SPTBN1: variants seen among roughly 807,000 people sequenced by gnomAD.
SPTBN1 encodes the protein spectrin beta chain, non-erythrocytic 1.
Under a neutral mutation model 266.4 loss-of-function variants are expected in SPTBN1, and 32 were observed. The observed-to-expected ratio is 0.12, with a 90% CI of 0.09 to 0.16. The LOEUF is 0.16. Ranked by LOEUF, SPTBN1 falls within the 10% of genes least tolerant of loss-of-function variation. The pLI is 1.00. For missense variants in SPTBN1, 2,296 were observed against 3,067.1 expected (o/e 0.75, Z 5.94); for synonymous variants, 1,336 against 1,162.2 (o/e 1.15, Z -3.04).
At chr2:54,583,272 C>A (rs556009330) in intron 2 of SPTBN1, among the ~76,000 whole-genome samples, 1 of 152,236 alleles carries the variant, frequency 6.6e-6, no homozygotes, top group South Asian at 2.1e-4. Flanking sequence ...GGTATAATTA[C>A]CTGTTAATAA....
At chr2:54,611,220 C>G (rs1573525568) in intron 3 of SPTBN1, among the ~76,000 whole-genome samples, 1 of 152,190 alleles carries the variant, frequency 6.6e-6, no homozygotes, top group South Asian at 2.1e-4. Context: ...TCTGGTATTT[C>G]TAGGCTAGGC....
rs768990287 is a variant in SPTBN1 at position 54,483,722 on chromosome 2, T to C, written c.-48+27204T>C. ...CATGGATCAAAGGCACTTGGGTGATTTAGGGGTGTGACCCCCAGTGGCTTC... is the reference window on the plus strand; with the variant it reads ...CATGGATCAAAGGCACTTGGGTGATCTAGGGGTGTGACCCCCAGTGGCTTC... On this transcript the variant is annotated intron_variant, in intron 1 of 35. Coordinates refer to ENST00000356805, the MANE Select transcript of SPTBN1 (RefSeq NM_003128.3). Among the ~76,000 whole-genome samples the C allele has an allele frequency of 1.1e-3, 160 of 152,304 alleles. No homozygotes were observed. In the Middle Eastern group the frequency reaches 0.02, roughly 19 times the overall value.
At chr2:54,532,161 C>T (rs1230400923) in intron 2 of SPTBN1, among the ~76,000 whole-genome samples, 5 of 151,966 alleles carry the variant, frequency 3.3e-5, no homozygotes, top group Admixed American at 2.0e-4. Flanking sequence ...TGGTGGCGGG[C>T]GCCTATAATC....
At chr2:54,522,701 A>AGAGAGAGAGAGAGAGAG (rs1558802720) in intron 1 of SPTBN1, among the ~76,000 whole-genome samples, 6 of 70,144 alleles carry the variant, frequency 8.6e-5, no homozygotes, top group South Asian at 8.5e-4. Flanking sequence ...GAGAGAGAGA[A>AGAGAGAGAGAGAGAGAG]AGAAAGAAAG....
intron 17 of SPTBN1, among the ~76,000 whole-genome samples, chr2:54,637,266 G>A (rs1679213571): frequency 6.6e-6 from 1 of 151,890 alleles, no homozygotes; most frequent in Admixed American, 6.6e-5. Flanking sequence ...TTCAAGATGA[G>A]AAACTCTTTA....
intron 34 of SPTBN1, 73 bp downstream of exon 34, chr2:54,666,161 A>G: frequency 6.9e-7 from 1 of 1,457,516 alleles, no homozygotes; most frequent in Non-Finnish European, 9.3e-7. Flanking sequence ...TGGTTTTCTT[A>G]TACAGCTGCT....
At chr2:54,552,032 AG>A (rs1189388871) in intron 2 of SPTBN1, among the ~76,000 whole-genome samples, 1 of 152,180 alleles carries the variant, frequency 6.6e-6, no homozygotes, top group Admixed American at 6.5e-5. Flanking sequence ...GTTAAAGAGA[AG>A]GGAAGGGAGG....
At chr2:54,630,829 C>G (rs545540075) in intron 15 of SPTBN1, 26 bp from the exon 16 acceptor site, 90 of 1,535,270 alleles carry the variant, frequency 5.9e-5, no homozygotes, top group Non-Finnish European at 6.7e-5. Context: ...CTTTTTCACA[C>G]TCGCTGTCTG....
intron 2 of SPTBN1, among the ~76,000 whole-genome samples, chr2:54,537,359 C>T (rs1002510372): frequency 2.0e-5 from 3 of 152,032 alleles, no homozygotes; most frequent in Non-Finnish European, 1.5e-5. Flanking sequence ...TTGATTGACC[C>T]GGAAGATCCT....
Position 54,643,075 on chromosome 2 carries a change from A to G in SPTBN1, c.3951A>G (p.Gln1317=), listed in dbSNP as rs534942468. ...TGCACAGTAAATGGTTGAAGCATCA[A>G]GCATTTATGGCAGAACTTGCATCCA... is the stretch of plus-strand genomic sequence containing the variant. ...RNLHSKWLKH[Q]AFMAELASNK... Residue 1317 remains glutamine (Q), a synonymous_variant, in exon 19 of 36, where the codon CAA becomes CAG. Coordinates refer to ENST00000356805, the MANE Select transcript of SPTBN1 (RefSeq NM_003128.3). 3.3e-5 allele frequency: 54 copies of G among 1,614,200 alleles called. 1 individual carries two copies. In the South Asian group the frequency reaches 5.7e-4, roughly 17 times the overall value.
rs1678542593 is a variant in SPTBN1 at position 54,628,926 on chromosome 2, T to TA, written c.1799-4dup. Reference sequence around the variant, plus strand: ...CACAGCCACGTTCCTTCCTTGATGTTAAACAGGTTACAAGCCCTGTGACCC... The same window carrying TA: ...CACAGCCACGTTCCTTCCTTGATGTTAAAACAGGTTACAAGCCCTGTGACCC... On this transcript the variant is annotated splice_region_variant and splice_polypyrimidine_tract_variant and intron_variant, in intron 13 of 35. Coordinates refer to ENST00000356805, the MANE Select transcript of SPTBN1 (RefSeq NM_003128.3). The surrounding 1 kb of genome is among the most constrained non-coding windows in gnomAD (Gnocchi z 4.3). The TA allele has an allele frequency of 6.3e-7, 1 of 1,577,470 alleles. No individual in the cohort carries two copies. The highest frequency in any genetic ancestry group is 1.4e-5 in the African/African-American group (1 of 73,678).
intron 2 of SPTBN1, among the ~76,000 whole-genome samples, chr2:54,557,284 G>A (rs1432057716): frequency 6.6e-6 from 1 of 152,048 alleles, no homozygotes; most frequent in Non-Finnish European, 1.5e-5. Context: ...TACATATTGG[G>A]ATCCCTGAGG....
intron 2 of SPTBN1, among the ~76,000 whole-genome samples, chr2:54,585,235 T>G (rs28581481): frequency 0.34 from 51,509 of 152,086 alleles, 11,139 homozygotes; most frequent in African/African-American, 0.62. Context: ...AAAGCTTTGG[T>G]TAGTGTTCCT....
chr2:54,569,768 G>C (rs1021551115), intron 2 of SPTBN1, among the ~76,000 whole-genome samples: 6 of 152,132 alleles, frequency 3.9e-5, no homozygotes, highest in Non-Finnish European at 8.8e-5. Context: ...ACTGTGTTTG[G>C]CACAGTCCCT....
intron 2 of SPTBN1, among the ~76,000 whole-genome samples, chr2:54,597,761 G>A (rs577176187): frequency 4.3e-4 from 65 of 151,954 alleles, no homozygotes; most frequent in African/African-American, 1.4e-3. Context: ...TGAGAACCCA[G>A]TACTCTCAGG....
intron 34 of SPTBN1, among the ~76,000 whole-genome samples, chr2:54,666,702 A>G (rs867304086): frequency 6.6e-6 from 1 of 152,150 alleles, no homozygotes; most frequent in Admixed American, 6.5e-5. Context: ...TAGGCAGAAA[A>G]ATTATTTTAT....
At chr2:54,596,226 A>T (rs77454808) in intron 2 of SPTBN1, among the ~76,000 whole-genome samples, 12,374 of 152,130 alleles carry the variant, frequency 0.081, 646 homozygotes, top group Non-Finnish European at 0.11. Context: ...CATATCCCCA[A>T]GCCTTGCTGG....
Position 54,629,063 on chromosome 2 carries a change from C to A in SPTBN1, c.1929C>A (p.Phe643Leu). 3.7e-6 allele frequency: 6 copies of A among 1,613,876 alleles called. No individual in the cohort carries two copies. The highest frequency in any genetic ancestry group is 5.1e-6 in the Non-Finnish European group (6 of 1,180,004). The change falls in exon 14 of 36, where the codon TTC (phenylalanine) becomes TTA (leucine). Residue 643 changes from phenylalanine (F) to leucine (L), a missense_variant. Around this residue, in one of 12 missense-constraint regions of SPTBN1, gnomAD observed 434 missense variants for 573.9 expected, o/e 0.76. Coordinates refer to ENST00000356805, the MANE Select transcript of SPTBN1 (RefSeq NM_003128.3). ...AAGAGTCCCGCCGCCTCTGGAAGTTCTTCTGGGAGATGGCAGAAGAGGAAG... is the reference window on the plus strand; with the variant it reads ...AAGAGTCCCGCCGCCTCTGGAAGTTATTCTGGGAGATGGCAGAAGAGGAAG... ...RLEESRRLWK[F>L]FWEMAEEEGW... is the part of the protein sequence containing the mutation.
Position 54,649,164 on chromosome 2 carries a change from C to A in SPTBN1, c.5176C>A (p.Leu1726Met), listed in dbSNP as rs1324711377. The A allele has an allele frequency of 6.2e-7, 1 of 1,610,292 alleles. No individual in the cohort carries two copies. The highest frequency in any genetic ancestry group is 8.5e-7 in the Non-Finnish European group (1 of 1,177,668). The change falls in exon 25 of 36, where the codon CTG becomes ATG. Residue 1726 changes from leucine to methionine, a missense_variant. Transcript: ENST00000356805. The surrounding 1 kb of genome is among the most constrained non-coding windows in gnomAD (Gnocchi z 6.7). Reference sequence around the variant, plus strand: ...GGAGGTGGTCGCAGGGTCCCATGAACTGGGACAGGACTATGAGCATGTCAC... The same window carrying A: ...GGAGGTGGTCGCAGGGTCCCATGAAATGGGACAGGACTATGAGCATGTCAC... ...EREVVAGSHELGQDYEHVTML... is the reference protein window; with the variant it reads ...EREVVAGSHEMGQDYEHVTML...
Sources: allele counts gnomAD v4.1 joint callset (sites outside exome capture counted in the v4.1 genomes callset), GRCh38; gene constraint gnomAD v4.1.1; regional missense constraint gnomAD v4.1.1; non-coding constraint Gnocchi (gnomAD v3.1); transcripts MANE v1.5; gene names NCBI Gene and HGNC (gene_info 2026-07-23, HGNC 2026-07-21).